The following GSE1 variants were observed in gnomAD, a reference collection of about 807,000 sequenced individuals.
GSE1 encodes genetic suppressor element 1.
GSE1 carries 32 observed loss-of-function variants against 112.6 expected under a neutral mutation model. That is an observed-to-expected ratio of 0.28 (90% CI 0.21 to 0.38). GSE1 has a LOEUF of 0.38. Among genes scored for constraint, GSE1 ranks in the 10% least tolerant of loss-of-function variants. The probability of loss-of-function intolerance (pLI) is 1.00; values close to 1 mark genes in which losing one functional copy is unlikely to be tolerated. For synonymous variants in GSE1, 1,115 were observed against 735.6 expected (o/e 1.52, Z -8.35); for missense variants, 2,348 against 1,699.2 (o/e 1.38, Z -6.71).
At chr16:85,580,745 C>T (rs916017876) in intron 1 of GSE1, among the ~76,000 whole-genome samples, 3 of 152,196 alleles carry the variant, frequency 2.0e-5, no homozygotes, top group African/African-American at 7.2e-5. Flanking sequence ...TCAGGGTGGG[C>T]CCCTGCTCTG....
chr16:85,354,519 C>T (rs1468975987), intron 1 of GSE1, among the ~76,000 whole-genome samples: 3 of 152,242 alleles, frequency 2.0e-5, no homozygotes, highest in Non-Finnish European at 2.9e-5. Context: ...CTTATACTCA[C>T]AGTCCCGCTT....
In GSE1 at chr16:85,528,218, A is replaced by T. The variant is rs186670402; in HGVS notation, c.2465-105696A>T. On this transcript the variant is annotated intron_variant, in intron 2 of 2. Coordinates refer to the GSE1 transcript ENST00000637419. The stretch of plus-strand genomic sequence containing the variant: ...GGGCCTCGAACAAACAGATCAACAG[A>T]TGAATATGTGTTAGGTTGGATGTTG... 6.6e-5 allele frequency among the ~76,000 whole-genome samples: 10 copies of T among 152,364 alleles called. No homozygotes were observed. In the East Asian group the frequency reaches 1.9e-3, roughly 29 times the overall value.
rs375250978 is a variant in GSE1, at chr16:85,308,348, G to A, written c.2284-49115G>A. On this transcript the variant is annotated intron_variant, in intron 1 of 2. Coordinates refer to the GSE1 transcript ENST00000637419. ...CTGAGGGAACCTTTTGGGACAGCCAGGGCAGAGAACGCCTTTTACTTCTTA... is the reference window on the plus strand; with the variant it reads ...CTGAGGGAACCTTTTGGGACAGCCAAGGCAGAGAACGCCTTTTACTTCTTA... Among the ~76,000 whole-genome samples, 3 of 152,308 alleles carry A rather than the reference G, an allele frequency of 2.0e-5. No individual in the cohort carries two copies. The South Asian group carries it at 6.2e-4, about 32-fold the overall frequency.
chr16:85,476,686 T>C, intron 2 of GSE1, among the ~76,000 whole-genome samples: 1 of 151,998 alleles, frequency 6.6e-6, no homozygotes, highest in East Asian at 1.9e-4. Flanking sequence ...CAGGCTGGAG[T>C]TGACTGGCAC....
chr16:85,617,874 C>T (rs1270545169), intron 1 of GSE1, among the ~76,000 whole-genome samples: 2 of 152,130 alleles, frequency 1.3e-5, no homozygotes, highest in African/African-American at 2.4e-5. Context: ...GGATGGAGAA[C>T]CCTGGTGACT....
At chr16:85,439,963 CATT>C (rs932143891) in intron 2 of GSE1, among the ~76,000 whole-genome samples, 4 of 152,236 alleles carry the variant, frequency 2.6e-5, no homozygotes, top group Non-Finnish European at 5.9e-5. Context: ...CACAGACACA[CATT>C]ATTACATATG....
chr16:85,576,593 C>G (rs2046237326), intron 1 of GSE1, among the ~76,000 whole-genome samples: 1 of 152,176 alleles, frequency 6.6e-6, no homozygotes, highest in Non-Finnish European at 1.5e-5. Flanking sequence ...GTCCCCAGAC[C>G]CTTTCTTCCT....
intron 2 of GSE1, among the ~76,000 whole-genome samples, chr16:85,507,026 C>G (rs1457575275): frequency 6.6e-6 from 1 of 152,178 alleles, no homozygotes; most frequent in African/African-American, 2.4e-5. Flanking sequence ...GTGGCTCTGC[C>G]TCCCTCCTGG....
At chr16:85,175,859 G>A (rs1200357450) in intron 1 of GSE1, among the ~76,000 whole-genome samples, 1 of 152,170 alleles carries the variant, frequency 6.6e-6, no homozygotes, top group Non-Finnish European at 1.5e-5. Context: ...CGTAAATAAG[G>A]AAATAAGTTC....
intron 2 of GSE1, among the ~76,000 whole-genome samples, chr16:85,643,077 T>G (rs1170160700): frequency 1.3e-5 from 2 of 152,166 alleles, no homozygotes; most frequent in Non-Finnish European, 2.9e-5. Context: ...GCTGCGGTCC[T>G]GTTTTTGCCC....
chr16:85,324,096 C>T (rs1459667422), intron 1 of GSE1, among the ~76,000 whole-genome samples: 1 of 152,220 alleles, frequency 6.6e-6, no homozygotes, highest in Non-Finnish European at 1.5e-5. Context: ...AACCCTGGTG[C>T]ACAGCTGCTG....
At chr16:85,483,584 A>G (rs2050747969) in intron 2 of GSE1, among the ~76,000 whole-genome samples, 1 of 152,254 alleles carries the variant, frequency 6.6e-6, no homozygotes, top group Non-Finnish European at 1.5e-5. Flanking sequence ...GCCCCCGGCC[A>G]CTGTCTCCGC....
At chr16:85,600,940 C>T (rs2047436938) in intron 1 of GSE1, among the ~76,000 whole-genome samples, 1 of 152,122 alleles carries the variant, frequency 6.6e-6, no homozygotes, top group Non-Finnish European at 1.5e-5. Context: ...CAGTGAGCGC[C>T]TGGAAGAAAG....
At chr16:85,493,772 G>A (rs11864635) in intron 2 of GSE1, among the ~76,000 whole-genome samples, 26,474 of 135,386 alleles carry the variant, frequency 0.2, 2,760 homozygotes, top group African/African-American at 0.29. Flanking sequence ...CCTGGGCAAC[G>A]AGAGTGAGAC....
chr16:85,176,682 G>C (rs1187416309), intron 1 of GSE1, among the ~76,000 whole-genome samples: 1 of 152,260 alleles, frequency 6.6e-6, no homozygotes, highest in Non-Finnish European at 1.5e-5. Flanking sequence ...CCATACCCCA[G>C]CCTCTCACTG....
intron 2 of GSE1, among the ~76,000 whole-genome samples, chr16:85,544,464 A>G (rs1443202572): frequency 6.6e-6 from 1 of 152,178 alleles, no homozygotes; most frequent in Non-Finnish European, 1.5e-5. Context: ...GAGGAAGAGC[A>G]ATAGGAAAGG....
chr16:85,581,925 A>G (rs1202369279), intron 1 of GSE1: 1 of 152,176 alleles, frequency 6.6e-6, no homozygotes, highest in Non-Finnish European at 1.5e-5. Context: ...CAGCCAGAGG[A>G]TCTGGGGTGG....
intron 1 of GSE1, among the ~76,000 whole-genome samples, chr16:85,325,306 G>A (rs1020913002): frequency 5.3e-5 from 8 of 152,114 alleles, no homozygotes; most frequent in Non-Finnish European, 5.9e-5. Flanking sequence ...GTGGCGAGGG[G>A]GGCAGGCCTT....
chr16:85,628,037 A>ATT (rs2049227235), intron 1 of GSE1, among the ~76,000 whole-genome samples: 2 of 152,238 alleles, frequency 1.3e-5, no homozygotes, highest in Admixed American at 1.3e-4. Flanking sequence ...CTGGAGGGGC[A>ATT]GGAGGCACGT....
Sources: allele counts gnomAD v4.1 joint callset (sites outside exome capture counted in the v4.1 genomes callset), GRCh38; gene constraint gnomAD v4.1.1; transcripts MANE v1.5; gene names NCBI Gene and HGNC (gene_info 2026-07-23, HGNC 2026-07-21).